The following SYT1 variants were observed in gnomAD, a reference collection of about 807,000 sequenced individuals.
SYT1 encodes synaptotagmin 1.
A neutral mutation model predicts 44.8 loss-of-function variants in SYT1; 8 were observed. The ratio of observed to expected loss-of-function variants is 0.18; its 90% CI spans 0.10 to 0.32. The LOEUF is 0.32. Ranked by LOEUF, SYT1 falls within the 10% of genes least tolerant of loss-of-function variation. The probability of loss-of-function intolerance (pLI) is 1.00; values close to 1 mark genes in which losing one functional copy is unlikely to be tolerated. For synonymous variants in SYT1, 154 were observed against 188.8 expected (o/e 0.82, Z 1.51); for missense variants, 286 against 509.3 (o/e 0.56, Z 4.22).
chr12:79,298,480 A>G (rs563206534), intron 7 of SYT1, among the ~76,000 whole-genome samples: 55 of 152,274 alleles, frequency 3.6e-4, no homozygotes, highest in African/African-American at 1.3e-3. Flanking sequence ...GCTGAAGCAT[A>G]AGACAACCAT....
At chr12:79,343,813 G>C (rs1259707721) in intron 8 of SYT1, among the ~76,000 whole-genome samples, 2 of 151,930 alleles carry the variant, frequency 1.3e-5, no homozygotes, top group South Asian at 4.2e-4. Flanking sequence ...ATAAATAGAA[G>C]GTCTAATATT....
intron 3 of SYT1, among the ~76,000 whole-genome samples, chr12:79,158,907 A>T (rs910115792): frequency 9.2e-5 from 14 of 152,056 alleles, no homozygotes; most frequent in Non-Finnish European, 1.6e-4. Context: ...AAAAAAAAAA[A>T]TTGATAAAAG....
At chr12:78,947,033 TC>T (rs1328980209) in intron 1 of SYT1, among the ~76,000 whole-genome samples, 3 of 152,186 alleles carry the variant, frequency 2.0e-5, no homozygotes, top group African/African-American at 7.2e-5. Flanking sequence ...AAGTTTTGTT[TC>T]CTCAAATGTT....
At chr12:79,299,130 T>C (rs1880008149) in intron 7 of SYT1, among the ~76,000 whole-genome samples, 2 of 152,100 alleles carry the variant, frequency 1.3e-5, no homozygotes, top group African/African-American at 2.4e-5. Flanking sequence ...AACAGCAGGA[T>C]CCATTATTAA....
At chr12:78,925,148 G>A (rs12578219) in intron 1 of SYT1, among the ~76,000 whole-genome samples, 13,013 of 151,476 alleles carry the variant, frequency 0.086, 644 homozygotes, top group East Asian at 0.18. Flanking sequence ...TCAAACTGAC[G>A]CCTCCAAAAT....
chr12:78,928,556 T>C (rs780379494), intron 1 of SYT1, among the ~76,000 whole-genome samples: 1 of 152,164 alleles, frequency 6.6e-6, no homozygotes, highest in Non-Finnish European at 1.5e-5. Context: ...ATCCAAATTC[T>C]CACCAACATT....
intron 9 of SYT1, among the ~76,000 whole-genome samples, chr12:79,412,218 G>A (rs1044115728): frequency 5.3e-5 from 8 of 152,120 alleles, no homozygotes; most frequent in Non-Finnish European, 1.0e-4. Context: ...TGGGCTGTCC[G>A]CATGCACAGT....
chr12:78,986,702 T>C (rs1280773928), intron 2 of SYT1, among the ~76,000 whole-genome samples: 1 of 152,044 alleles, frequency 6.6e-6, no homozygotes, highest in East Asian at 1.9e-4. Flanking sequence ...GGAATATAAA[T>C]CATCTATTTA....
chr12:79,002,072 A>G (rs1196579003), intron 2 of SYT1, among the ~76,000 whole-genome samples: 2 of 152,154 alleles, frequency 1.3e-5, no homozygotes, highest in Non-Finnish European at 2.9e-5. Flanking sequence ...AAACACTGCT[A>G]CAGTTGCATA....
chr12:78,941,617 CTA>C, intron 1 of SYT1, among the ~76,000 whole-genome samples: 1 of 152,134 alleles, frequency 6.6e-6, no homozygotes, highest in African/African-American at 2.4e-5. Context: ...TCATTCTTGA[CTA>C]CTGGTCAAAA....
At chr12:78,917,902 A>G (rs1252472108) in intron 1 of SYT1, among the ~76,000 whole-genome samples, 6 of 152,102 alleles carry the variant, frequency 3.9e-5, no homozygotes, top group Admixed American at 1.3e-4. Flanking sequence ...TAAAAGTCAT[A>G]CATCAATAAA....
chr12:78,905,401 A>G (rs187814664), intron 1 of SYT1, among the ~76,000 whole-genome samples: 29 of 152,274 alleles, frequency 1.9e-4, no homozygotes, highest in Admixed American at 1.7e-3. Flanking sequence ...TATCCAAATT[A>G]TCTAACTTGT....
At chr12:78,930,381 TG>T (rs1161757563) in intron 1 of SYT1, among the ~76,000 whole-genome samples, 2 of 151,934 alleles carry the variant, frequency 1.3e-5, no homozygotes, top group African/African-American at 4.8e-5. Context: ...GCAAATATAC[TG>T]TAATACATTT....
intron 9 of SYT1, among the ~76,000 whole-genome samples, chr12:79,396,903 T>C (rs1884891541): frequency 6.6e-6 from 1 of 151,984 alleles, no homozygotes; most frequent in Non-Finnish European, 1.5e-5. Context: ...AGAAGACAAA[T>C]AGAATAATGT....
In SYT1 at chr12:79,320,531, G is replaced by A. The variant is rs543493112; in HGVS notation, c.810+20980G>A. On this transcript the variant is annotated intron_variant, in intron 8 of 10. Coordinates refer to ENST00000261205, the MANE Select transcript of SYT1 (RefSeq NM_005639.3). ...GCATAACTAGTCTGTATTAGATGAG[G>A]AACAGTTGTCATTTTCAGTTATGAC... Among the ~76,000 whole-genome samples, 3 of 151,952 alleles carry A rather than the reference G, an allele frequency of 2.0e-5. No individual in the cohort carries two copies. The East Asian group carries it at 5.8e-4, about 29-fold the overall frequency.
intron 3 of SYT1, among the ~76,000 whole-genome samples, chr12:79,113,327 G>T (rs1879112011): frequency 6.6e-6 from 1 of 152,104 alleles, no homozygotes; most frequent in African/African-American, 2.4e-5. Context: ...TTTCCTTGAT[G>T]CTGGCTATTG....
chr12:79,300,788 A>ATTTT (rs759192008), intron 8 of SYT1, among the ~76,000 whole-genome samples: 2 of 92,712 alleles, frequency 2.2e-5, no homozygotes, highest in Middle Eastern at 6.8e-3. Context: ...ATGTATACTT[A>ATTTT]TTATATATAT....
intron 9 of SYT1, among the ~76,000 whole-genome samples, chr12:79,370,361 T>G (rs969596460): frequency 6.6e-6 from 1 of 152,204 alleles, no homozygotes; most frequent in African/African-American, 2.4e-5. Flanking sequence ...CTACTCTTAT[T>G]AACTATAAAG....
intron 9 of SYT1, among the ~76,000 whole-genome samples, chr12:79,415,685 G>A (rs1038694020): frequency 6.6e-6 from 1 of 152,124 alleles, no homozygotes; most frequent in Non-Finnish European, 1.5e-5. Context: ...TTTGTACAAA[G>A]CTTATACTTA....
Sources: gnomAD v4.1 joint callset for allele counts (sites outside exome capture counted in the v4.1 genomes callset) on GRCh38, gnomAD v4.1.1 for gene constraint, MANE v1.5 for transcripts, NCBI Gene and HGNC (gene_info 2026-07-23, HGNC 2026-07-21) for gene names.